Variants in ELMO1 observed in about 807,000 individuals in gnomAD.
ELMO1 encodes the protein engulfment and cell motility 1.
Under a neutral mutation model 98.9 loss-of-function variants are expected in ELMO1, and 26 were observed. The ratio of observed to expected loss-of-function variants is 0.26; its 90% CI spans 0.19 to 0.36. ELMO1 has a LOEUF of 0.36. ELMO1 is among the 10% of genes least tolerant of loss of function. ELMO1 has a pLI of 1.00. For missense variants in ELMO1, 627 were observed against 935.2 expected (o/e 0.67, Z 4.30); for synonymous variants, 346 against 346.0 (o/e 1.00, Z 0.00).
At chr7:36,873,224 T>G (rs1803676882) in intron 19 of ELMO1, among the ~76,000 whole-genome samples, 2 of 152,206 alleles carry the variant, frequency 1.3e-5, no homozygotes, top group Non-Finnish European at 2.9e-5. Context: ...ACCAGAAGAT[T>G]AGGCATTAGA....
At chr7:36,868,906 C>G (rs1044076732) in intron 20 of ELMO1, among the ~76,000 whole-genome samples, 1 of 152,158 alleles carries the variant, frequency 6.6e-6, no homozygotes, top group African/African-American at 2.4e-5. Flanking sequence ...CTGTGGGGAC[C>G]TCCTCGGCTG....
chr7:36,960,368 A>G (rs567497425), intron 16 of ELMO1, among the ~76,000 whole-genome samples: 16 of 152,350 alleles, frequency 1.1e-4, no homozygotes, highest in African/African-American at 3.8e-4. Flanking sequence ...ACTGCCCTCC[A>G]GGCACAATGA....
chr7:36,988,723 G>A (rs772914187), intron 16 of ELMO1, among the ~76,000 whole-genome samples: 7 of 152,148 alleles, frequency 4.6e-5, no homozygotes, highest in African/African-American at 1.2e-4. Flanking sequence ...TGTGTGCTAG[G>A]AGGCAACATG....
intron 16 of ELMO1, among the ~76,000 whole-genome samples, chr7:36,955,140 C>T (rs1225077332): frequency 2.0e-5 from 3 of 152,158 alleles, no homozygotes; most frequent in Non-Finnish European, 4.4e-5. Context: ...CTCTACATGG[C>T]GGAAGGCATC....
chr7:37,007,862 T>G (rs1237548428), intron 16 of ELMO1, among the ~76,000 whole-genome samples: 1 of 152,156 alleles, frequency 6.6e-6, no homozygotes, highest in Non-Finnish European at 1.5e-5. Flanking sequence ...AATTGAGATT[T>G]TCTCCCATTG....
chr7:37,442,388 T>C (rs1583773151), intron 1 of ELMO1, among the ~76,000 whole-genome samples: 1 of 152,188 alleles, frequency 6.6e-6, no homozygotes, highest in Non-Finnish European at 1.5e-5. Context: ...ACAAGAGAAT[T>C]AGCAAAAGTT....
intron 13 of ELMO1, among the ~76,000 whole-genome samples, chr7:37,168,179 T>A (rs1292961057): frequency 1.3e-5 from 2 of 152,252 alleles, no homozygotes; most frequent in African/African-American, 4.8e-5. Context: ...AACCTTGGCT[T>A]TCAGCTCCAT....
intron 13 of ELMO1, among the ~76,000 whole-genome samples, chr7:37,199,859 CT>C (rs1408305347): frequency 6.6e-6 from 1 of 152,102 alleles, no homozygotes; most frequent in Non-Finnish European, 1.5e-5. Context: ...CTCTGCACCC[CT>C]AGGAAGTATG....
At chr7:37,026,045 G>A (rs1350766836) in intron 15 of ELMO1, among the ~76,000 whole-genome samples, 1 of 152,036 alleles carries the variant, frequency 6.6e-6, no homozygotes, top group Non-Finnish European at 1.5e-5. Flanking sequence ...GCAGGGCAAA[G>A]GAAAATATAT....
intron 1 of ELMO1, among the ~76,000 whole-genome samples, chr7:37,445,107 C>A (rs1013765482): frequency 3.3e-5 from 5 of 152,100 alleles, no homozygotes; most frequent in Non-Finnish European, 7.3e-5. Flanking sequence ...TTTTCCACAC[C>A]ACTCTTCTCT....
rs116962552 is a variant in ELMO1, at chr7:36,996,031, T to C, written c.1437+17268A>G. On this transcript the variant is annotated intron_variant, in intron 16 of 21. Transcript: ENST00000310758. ...GAAGTCTTTGCCATCATCTCAGCCCTGTCTGTGTGGGAGCACATTCCAGCA... is the reference window on the plus strand; with the variant it reads ...GAAGTCTTTGCCATCATCTCAGCCCCGTCTGTGTGGGAGCACATTCCAGCA... 3.1e-3 allele frequency among the ~76,000 whole-genome samples: 477 copies of C among 152,286 alleles called. 2 individuals carry two copies. The highest frequency in any genetic ancestry group is 4.5e-3 in the Non-Finnish European group (308 of 68,016).
intron 15 of ELMO1, among the ~76,000 whole-genome samples, chr7:37,090,753 A>T (rs1388138373): frequency 6.6e-6 from 1 of 152,226 alleles, no homozygotes; most frequent in African/African-American, 2.4e-5. Context: ...CACAAACAGA[A>T]GGAATGAAGT....
In ELMO1 at chr7:36,853,356, CCA is replaced by C. The variant is rs925537210; in HGVS notation, c.*2193_*2194del. Among the ~76,000 whole-genome samples, 5 of 152,140 alleles carry C rather than the reference CCA, an allele frequency of 3.3e-5. No individual in the cohort carries two copies. The highest frequency in any genetic ancestry group is 3.3e-4 in the Admixed American group (5 of 15,280). On this transcript the variant is annotated 3_prime_UTR_variant, in exon 22 of 22. Transcript: ENST00000310758. Reference sequence around the variant, plus strand: ...CACAGGACAGATACATTTCTTAAACCCAGTGTCTCAGGACCTCAGAGATCCTG... The same window carrying C: ...CACAGGACAGATACATTTCTTAAACCGTGTCTCAGGACCTCAGAGATCCTG...
chr7:37,124,173 A>G (rs1317852444), intron 14 of ELMO1, among the ~76,000 whole-genome samples: 4 of 151,948 alleles, frequency 2.6e-5, no homozygotes, highest in African/African-American at 4.9e-5. Context: ...CCCACAGCCA[A>G]TATCATACTG....
intron 2 of ELMO1, among the ~76,000 whole-genome samples, chr7:37,325,857 G>A (rs1438962336): frequency 6.6e-6 from 1 of 152,186 alleles, no homozygotes; most frequent in African/African-American, 2.4e-5. Flanking sequence ...AATGTGACTT[G>A]AAGGAACTTT....
At chr7:37,330,568 AAT>A (rs1452981738) in intron 2 of ELMO1, among the ~76,000 whole-genome samples, 7 of 152,166 alleles carry the variant, frequency 4.6e-5, no homozygotes, top group Non-Finnish European at 1.0e-4. Flanking sequence ...CATCAATCAG[AAT>A]ATGTTTCTCT....
Position 37,183,846 on chromosome 7 carries a change from C to G in ELMO1, c.1086+27540G>C, listed in dbSNP as rs114748339. 7.3e-3 allele frequency among the ~76,000 whole-genome samples: 1,117 copies of G among 152,178 alleles called. 15 individuals carry two copies. Among genetic ancestry groups the G allele is most frequent in the African/African-American group, 0.026 (1,085 of 41,518 alleles). ...TAAAGGCAAAATACCTTATCTTTAC[C>G]CTTATATAATAATAATAGCTTACAT... On this transcript the variant is annotated intron_variant, in intron 13 of 21. Transcript: ENST00000310758.
At chr7:37,080,844 C>T (rs1215902881) in intron 15 of ELMO1, among the ~76,000 whole-genome samples, 1 of 151,964 alleles carries the variant, frequency 6.6e-6, no homozygotes, top group Non-Finnish European at 1.5e-5. Context: ...GCAAACACTC[C>T]TGCCTCAGGG....
intron 15 of ELMO1, among the ~76,000 whole-genome samples, chr7:37,093,497 C>T (rs1286156640): frequency 6.6e-6 from 1 of 152,130 alleles, no homozygotes; most frequent in Non-Finnish European, 1.5e-5. Flanking sequence ...GTGTTCAGAA[C>T]TATGAACTTA....
Sources: allele counts gnomAD v4.1 joint callset (sites outside exome capture counted in the v4.1 genomes callset), GRCh38; gene constraint gnomAD v4.1.1; transcripts MANE v1.5; gene names NCBI Gene and HGNC (gene_info 2026-07-23, HGNC 2026-07-21).